The following SMURF2 variants were observed in gnomAD, a reference collection of about 807,000 sequenced individuals.
The protein encoded by SMURF2 is SMAD specific E3 ubiquitin protein ligase 2, also known as E3 ubiquitin-protein ligase SMURF2.
In SMURF2, 48 loss-of-function variants were observed where a neutral mutation model predicts 109.6. The ratio of observed to expected loss-of-function variants is 0.44; its 90% CI spans 0.35 to 0.56. SMURF2 has a LOEUF of 0.56. Among genes scored for constraint, SMURF2 ranks in the 20% least tolerant of loss-of-function variants. SMURF2 has a pLI of 0.01. For synonymous variants in SMURF2, 288 were observed against 317.1 expected, an observed-to-expected ratio of 0.91 and a Z score of 0.97; for missense variants, 575 against 909.0, an observed-to-expected ratio of 0.63 and a Z score of 4.72.
chr17:64,580,137 G>C (rs1555686416), intron 8 of SMURF2, among the ~76,000 whole-genome samples: 1 of 152,174 alleles, frequency 6.6e-6, no homozygotes, highest in Admixed American at 6.5e-5. Context: ...TGAGCTTTTG[G>C]CAAGAAGAGG....
chr17:64,607,924 T>C (rs537736769), intron 1 of SMURF2, among the ~76,000 whole-genome samples: 2 of 150,704 alleles, frequency 1.3e-5, no homozygotes, highest in South Asian at 2.1e-4. Context: ...TGAGCCAAGA[T>C]TGCACCACTG....
At chr17:64,635,433 A>G (rs1360961262) in intron 1 of SMURF2, among the ~76,000 whole-genome samples, 3 of 152,156 alleles carry the variant, frequency 2.0e-5, no homozygotes, top group Non-Finnish European at 2.9e-5. Context: ...AACCATCACC[A>G]ATATCTAATT....
chr17:64,657,564 TCA>T (rs1568213196), intron 1 of SMURF2, among the ~76,000 whole-genome samples: 1 of 150,528 alleles, frequency 6.6e-6, no homozygotes, highest in Non-Finnish European at 1.5e-5. Flanking sequence ...AATCAGCCAG[TCA>T]CAGTGGCATG....
chr17:64,569,233 G>C (rs1194913529), intron 10 of SMURF2, among the ~76,000 whole-genome samples: 1 of 151,016 alleles, frequency 6.6e-6, no homozygotes, highest in African/African-American at 2.4e-5. Context: ...CCCGGGATGT[G>C]GAGGTTGCAG....
intron 12 of SMURF2, among the ~76,000 whole-genome samples, chr17:64,559,409 C>CA (rs1279274953): frequency 6.6e-6 from 1 of 151,958 alleles, no homozygotes; most frequent in African/African-American, 2.4e-5. Context: ...GCATGGCCAA[C>CA]ATGGTGAAAC....
chr17:64,559,484 C>T (rs1969178882), intron 12 of SMURF2, among the ~76,000 whole-genome samples: 1 of 151,516 alleles, frequency 6.6e-6, no homozygotes, highest in African/African-American at 2.4e-5. Context: ...GTCCAGCTAC[C>T]CGGGAGACTG....
chr17:64,616,737 G>A (rs1439225626), intron 1 of SMURF2, among the ~76,000 whole-genome samples: 3 of 151,288 alleles, frequency 2.0e-5, no homozygotes, highest in Non-Finnish European at 4.4e-5. Flanking sequence ...ACCATATAGA[G>A]TGAAACATAC....
At chr17:64,586,061 A>T (rs1555687036) in intron 6 of SMURF2, 25 bp downstream of exon 6, 1 of 1,501,546 alleles carries the variant, frequency 6.7e-7, no homozygotes, top group African/African-American at 1.4e-5. Flanking sequence ...ATATTTCTCT[A>T]ATGATTTCAG....
Position 64,647,808 on chromosome 17 carries a change from C to A in SMURF2, c.52+14021G>T, listed in dbSNP as rs369564910. The stretch of plus-strand genomic sequence containing the variant: ...CAGTGGCTCATGTCTGTAATTCCAG[C>A]TACCAGGGAGGCTGAGGTGAGAGGA... On this transcript the variant is annotated intron_variant, in intron 1 of 18. Transcript: ENST00000262435. Among the ~76,000 whole-genome samples, 6 of 152,016 alleles carry A rather than the reference C, an allele frequency of 3.9e-5. No homozygotes were observed. The East Asian group carries it at 9.7e-4, about 25-fold the overall frequency.
intron 1 of SMURF2, among the ~76,000 whole-genome samples, chr17:64,632,409 G>C (rs1970363774): frequency 6.6e-6 from 1 of 152,090 alleles, no homozygotes; most frequent in Admixed American, 6.6e-5. Flanking sequence ...GTTAATAACT[G>C]ACCATGCCCC....
intron 3 of SMURF2, among the ~76,000 whole-genome samples, chr17:64,597,592 G>A (rs1408805135): frequency 4.6e-5 from 7 of 151,922 alleles, no homozygotes; most frequent in African/African-American, 1.2e-4. Context: ...GGCCAACATG[G>A]TGAAATCCCA....
chr17:64,661,781 G>A, intron 1 of SMURF2, 48 bp downstream of exon 1: 1 of 1,199,470 alleles, frequency 8.3e-7, no homozygotes, highest in Non-Finnish European at 1.0e-6. Flanking sequence ...CCCCCCGCCA[G>A]CTCGCCCACC....
Position 64,562,953 on chromosome 17 carries a change from A to G in SMURF2, c.1030T>C (p.Leu344=), listed in dbSNP as rs782584474. The change falls in exon 11 of 19, where the codon TTG becomes CTG. Residue 344 remains leucine (L), a synonymous_variant. Transcript: ENST00000262435. The part of the protein sequence containing the change: ...LHLVLNRQNQ[L]KDQQQQQVVS... ...ACTTGCTGTTGCTGTTGGTCTTTCA[A>G]TTGGTTCTGCCGACTAGAAGTAAAC... is the stretch of plus-strand genomic sequence containing the variant. The G allele has an allele frequency of 4.3e-6, 7 of 1,613,304 alleles. No individual in the cohort carries two copies. The highest frequency in any genetic ancestry group is 4.5e-5 in the East Asian group (2 of 44,886).
At chr17:64,551,497 A>T in intron 16 of SMURF2, 87 bp downstream of exon 16, 1 of 1,406,994 alleles carries the variant, frequency 7.1e-7, no homozygotes, top group South Asian at 1.3e-5. Context: ...AAGCACCAGA[A>T]ATATGCTTTC....
chr17:64,583,414 G>T (rs567902064), intron 7 of SMURF2, 47 bp downstream of exon 7: 1 of 1,478,326 alleles, frequency 6.8e-7, no homozygotes, highest in African/African-American at 1.4e-5. Context: ...AAGGACTTCA[G>T]GAGGGTGGCT....
intron 14 of SMURF2, among the ~76,000 whole-genome samples, chr17:64,555,497 C>T (rs1228961734): frequency 5.3e-5 from 8 of 152,182 alleles, no homozygotes; most frequent in Non-Finnish European, 1.0e-4. Context: ...TTAAAAGCAA[C>T]AGCAGCCAAG....
intron 2 of SMURF2, among the ~76,000 whole-genome samples, chr17:64,606,089 G>C (rs1286572656): frequency 6.6e-6 from 1 of 151,718 alleles, no homozygotes; most frequent in Non-Finnish European, 1.5e-5. Context: ...GTAAATATAA[G>C]GCATATATGG....
chr17:64,550,507 C>T (rs573058914), intron 16 of SMURF2, among the ~76,000 whole-genome samples: 3 of 152,214 alleles, frequency 2.0e-5, no homozygotes, highest in Non-Finnish European at 2.9e-5. Flanking sequence ...AGGCCAGGTG[C>T]GGTGGCTCAC....
intron 2 of SMURF2, among the ~76,000 whole-genome samples, chr17:64,603,455 G>A (rs1484094553): frequency 6.6e-6 from 1 of 151,878 alleles, no homozygotes; most frequent in East Asian, 1.9e-4. Flanking sequence ...GGTGGCACAT[G>A]CCTGTAATCC....
Sources: gnomAD v4.1 joint callset for allele counts (sites outside exome capture counted in the v4.1 genomes callset) on GRCh38, gnomAD v4.1.1 for gene constraint, MANE v1.5 for transcripts, NCBI Gene and HGNC (gene_info 2026-07-23, HGNC 2026-07-21) for gene names.